Variants in BICC1 observed in about 807,000 individuals in gnomAD.
BICC1 encodes protein bicaudal C homolog 1.
BICC1 carries 43 observed loss-of-function variants against 111.0 expected under a neutral mutation model. The ratio of observed to expected loss-of-function variants is 0.39; its 90% CI spans 0.30 to 0.50. The LOEUF (loss-of-function observed/expected upper bound fraction) is 0.50. Among genes scored for constraint, BICC1 ranks in the 20% least tolerant of loss-of-function variants. BICC1 has a pLI of 0.88. For missense variants in BICC1, 1,091 were observed against 1,203.2 expected, an observed-to-expected ratio of 0.91 and a Z score of 1.38; for synonymous variants, 467 against 434.4, an observed-to-expected ratio of 1.07 and a Z score of -0.93.
chr10:58,529,900 A>G (rs1289401445), intron 1 of BICC1, among the ~76,000 whole-genome samples: 1 of 151,918 alleles, frequency 6.6e-6, no homozygotes, highest in African/African-American at 2.4e-5. Context: ...AAAACATTAT[A>G]AAAATGGATC....
chr10:58,806,930 G>A lies in BICC1; in HGVS notation c.2222-74G>A, dbSNP rs367543683. ...ATTTCTTCACATATATCAAAGAAAC[G>A]ACACTTATCATCAGTATTTTATTGA... On this transcript the variant is annotated intron_variant, in intron 16 of 20. Transcript: ENST00000373886. 34 of 1,343,750 alleles carry A rather than the reference G, an allele frequency of 2.5e-5. 1 individual carries two copies. The highest frequency in any genetic ancestry group is 2.2e-4 in the African/African-American group (15 of 68,228). 83.2% of individuals were successfully genotyped at this position (1,343,750 alleles called of 1,614,324 possible). A position where few individuals can be genotyped will look rare whatever the true frequency, so the allele number is the denominator to read the frequency against.
intron 2 of BICC1, among the ~76,000 whole-genome samples, chr10:58,659,663 C>T (rs1169170271): frequency 6.6e-6 from 1 of 152,052 alleles, no homozygotes; most frequent in Non-Finnish European, 1.5e-5. Flanking sequence ...GCGCATGACA[C>T]ACAGTTTACC....
chr10:58,735,366 A>G (rs1258252738), intron 3 of BICC1, among the ~76,000 whole-genome samples: 2 of 152,220 alleles, frequency 1.3e-5, no homozygotes, highest in Admixed American at 6.5e-5. Flanking sequence ...GACATGCTGC[A>G]TGCTGTTAAA....
chr10:58,746,226 A>G (rs1378415661), intron 3 of BICC1, among the ~76,000 whole-genome samples: 2 of 152,158 alleles, frequency 1.3e-5, no homozygotes, highest in African/African-American at 2.4e-5. Flanking sequence ...TTTTGCTTAC[A>G]TCTATAAAGT....
At chr10:58,664,060 C>T (rs979621450) in intron 2 of BICC1, among the ~76,000 whole-genome samples, 2 of 152,126 alleles carry the variant, frequency 1.3e-5, no homozygotes, top group African/African-American at 4.8e-5. Context: ...CATATATTTT[C>T]ACTTCTTTTG....
chr10:58,751,921 AT>A (rs1265511049), intron 3 of BICC1, among the ~76,000 whole-genome samples: 2 of 152,184 alleles, frequency 1.3e-5, no homozygotes, highest in East Asian at 1.9e-4. Flanking sequence ...GGGTGCATTT[AT>A]TTTTTTCCAG....
chr10:58,706,009 T>C (rs2132464653), intron 3 of BICC1, among the ~76,000 whole-genome samples: 1 of 152,280 alleles, frequency 6.6e-6, no homozygotes, highest in African/African-American at 2.4e-5. Flanking sequence ...AACAAAGCAA[T>C]ATTTGATATT....
chr10:58,646,038 C>A (rs552117586), intron 2 of BICC1, among the ~76,000 whole-genome samples: 1 of 151,004 alleles, frequency 6.6e-6, no homozygotes, highest in Non-Finnish European at 1.5e-5. Context: ...CCTTGTTTTT[C>A]TGGAATAGCA....
chr10:58,806,552 G>A (rs1843714878), intron 15 of BICC1, 32 bp from the exon 16 acceptor site: 3 of 1,602,498 alleles, frequency 1.9e-6, no homozygotes, highest in Non-Finnish European at 2.6e-6. Flanking sequence ...TGGAGAGACT[G>A]TCAATAAAGG....
At chr10:58,759,484 G>A (rs552636937) in intron 3 of BICC1, among the ~76,000 whole-genome samples, 1 of 152,016 alleles carries the variant, frequency 6.6e-6, no homozygotes, top group South Asian at 2.1e-4. Context: ...GGTATTTATT[G>A]TATGTATTTG....
chr10:58,776,057 C>G (rs555686078), intron 3 of BICC1, among the ~76,000 whole-genome samples: 3 of 152,244 alleles, frequency 2.0e-5, no homozygotes, highest in African/African-American at 7.2e-5. Context: ...AATCGAATTC[C>G]TAAAAGTTTT....
intron 3 of BICC1, among the ~76,000 whole-genome samples, chr10:58,784,032 A>G (rs1842946175): frequency 6.6e-6 from 1 of 152,018 alleles, no homozygotes; most frequent in Non-Finnish European, 1.5e-5. Context: ...TTAAGCCTTT[A>G]CTCATATCTC....
At chr10:58,572,152 C>G (rs1209612368) in intron 1 of BICC1, among the ~76,000 whole-genome samples, 1 of 152,024 alleles carries the variant, frequency 6.6e-6, no homozygotes, top group Non-Finnish European at 1.5e-5. Context: ...CTGTTCATGT[C>G]CTTTGCCCAC....
intron 1 of BICC1, among the ~76,000 whole-genome samples, chr10:58,599,407 A>G (rs1844948679): frequency 6.6e-6 from 1 of 152,136 alleles, no homozygotes; most frequent in Admixed American, 6.6e-5. Context: ...AGAACAGAAA[A>G]CTAAACACTG....
intron 1 of BICC1, among the ~76,000 whole-genome samples, chr10:58,585,778 C>G (rs923790995): frequency 2.0e-5 from 3 of 152,066 alleles, no homozygotes; most frequent in African/African-American, 7.2e-5. Context: ...TTATTAAGTT[C>G]ATTTAATTGT....
chr10:58,577,752 A>T (rs1472107133), intron 1 of BICC1, among the ~76,000 whole-genome samples: 3 of 152,206 alleles, frequency 2.0e-5, no homozygotes, highest in African/African-American at 7.2e-5. Flanking sequence ...TGGTCATTTA[A>T]TCTAAAATAT....
At chr10:58,763,775 T>C (rs1430800338) in intron 3 of BICC1, among the ~76,000 whole-genome samples, 3 of 151,894 alleles carry the variant, frequency 2.0e-5, no homozygotes, top group Non-Finnish European at 2.9e-5. Flanking sequence ...AGTGAGAAGT[T>C]GTTTACTAGG....
intron 10 of BICC1, among the ~76,000 whole-genome samples, chr10:58,797,162 A>G (rs763587790): frequency 3.3e-5 from 5 of 152,164 alleles, no homozygotes; most frequent in African/African-American, 4.8e-5. Flanking sequence ...ATGGATTGCT[A>G]TTTTATAGGC....
At chr10:58,796,982 G>A (rs529295589) in intron 10 of BICC1, among the ~76,000 whole-genome samples, 18 of 152,212 alleles carry the variant, frequency 1.2e-4, no homozygotes, top group African/African-American at 2.9e-4. Context: ...CAGTGGTTAG[G>A]CCTGCCTTGC....
Sources: gnomAD v4.1 joint callset for allele counts (sites outside exome capture counted in the v4.1 genomes callset) on GRCh38, gnomAD v4.1.1 for gene constraint, MANE v1.5 for transcripts, NCBI Gene and HGNC (gene_info 2026-07-23, HGNC 2026-07-21) for gene names.